BZW2: variants seen among roughly 807,000 people sequenced by gnomAD.
The protein encoded by BZW2 is eIF5-mimic protein 1.
BZW2 carries 23 observed loss-of-function variants against 53.2 expected under a neutral mutation model. That is an observed-to-expected ratio of 0.43 (90% CI 0.31 to 0.61). The LOEUF (loss-of-function observed/expected upper bound fraction) is 0.61. Ranked by LOEUF, BZW2 falls within the 20% of genes least tolerant of loss-of-function variation. BZW2 has a pLI of 0.09. For missense variants in BZW2, 409 were observed against 503.1 expected (o/e 0.81, Z 1.79); for synonymous variants, 227 against 186.4 (o/e 1.22, Z -1.77).
intron 11 of BZW2, 41 bp from the exon 12 acceptor site, chr7:16,706,019 G>A: frequency 1.2e-6 from 2 of 1,612,480 alleles, no homozygotes; most frequent in Non-Finnish European, 1.7e-6. Flanking sequence ...TTAATTAGAG[G>A]AATCTGGGAG....
At chr7:16,660,862 C>T (rs1247039893) in intron 1 of BZW2, among the ~76,000 whole-genome samples, 1 of 152,014 alleles carries the variant, frequency 6.6e-6, no homozygotes, top group Admixed American at 6.6e-5. Context: ...TCCTGGGGGT[C>T]CAATCTGGTC....
At chr7:16,663,781 T>C (rs1326777604) in intron 1 of BZW2, among the ~76,000 whole-genome samples, 1 of 152,226 alleles carries the variant, frequency 6.6e-6, no homozygotes, top group Non-Finnish European at 1.5e-5. Context: ...GACTTCATAA[T>C]TGAAGCAATC....
chr7:16,689,758 C>T, intron 6 of BZW2, 39 bp from the exon 7 acceptor site: 3 of 1,542,866 alleles, frequency 1.9e-6, no homozygotes, highest in Non-Finnish European at 2.7e-6. Flanking sequence ...ATTGGTTTTG[C>T]TCGTAAAAGG....
chr7:16,688,345 T>G (rs1783196176), intron 6 of BZW2, among the ~76,000 whole-genome samples: 1 of 152,252 alleles, frequency 6.6e-6, no homozygotes, highest in African/African-American at 2.4e-5. Context: ...TTATGGCATA[T>G]TCTTCCTGGT....
chr7:16,669,811 A>G (rs944374203), intron 2 of BZW2, among the ~76,000 whole-genome samples: 1 of 152,190 alleles, frequency 6.6e-6, no homozygotes, highest in African/African-American at 2.4e-5. Context: ...ATTATGATTC[A>G]CCAGCACAGT....
chr7:16,652,747 A>T (rs926927304), intron 1 of BZW2, among the ~76,000 whole-genome samples: 1 of 152,006 alleles, frequency 6.6e-6, no homozygotes, highest in African/African-American at 2.4e-5. Flanking sequence ...CTGGTTTCGA[A>T]CACCTGACCT....
At position 16,646,265 on chromosome 7, in the gene BZW2, C is replaced by T; in HGVS notation, c.-31C>T. 1 of 281,406 alleles carries T rather than the reference C, an allele frequency of 3.6e-6. No homozygotes were observed. The highest frequency in any genetic ancestry group is 2.9e-5 in the South Asian group (1 of 34,882). The allele number at this position is 281,406 out of a possible 1,614,324, so 17.4% of individuals were successfully genotyped here. A position where few individuals can be genotyped will look rare whatever the true frequency, so the allele number is the denominator to read the frequency against. ...AATCGCCGCAGCCCCCAGCCTTGCGCGTCGTCGCTACCTCCTCGGACAGGT... is the reference window on the plus strand; with the variant it reads ...AATCGCCGCAGCCCCCAGCCTTGCGTGTCGTCGCTACCTCCTCGGACAGGT... On this transcript the variant is annotated 5_prime_UTR_variant, in exon 1 of 12. Coordinates refer to ENST00000258761, the MANE Select transcript of BZW2 (RefSeq NM_014038.3).
intron 1 of BZW2, among the ~76,000 whole-genome samples, chr7:16,650,445 A>T (rs879551102): frequency 6.6e-6 from 1 of 152,204 alleles, no homozygotes; most frequent in Non-Finnish European, 1.5e-5. Flanking sequence ...GTCAGCACTG[A>T]TAGGATAAGT....
intron 2 of BZW2, among the ~76,000 whole-genome samples, chr7:16,673,113 A>AT (rs1401056919): frequency 6.6e-6 from 1 of 151,886 alleles, no homozygotes; most frequent in Admixed American, 6.6e-5. Flanking sequence ...CCCCTGGCTA[A>AT]TTTTTTGTAT....
At chr7:16,682,697 A>G in intron 4 of BZW2, 83 bp from the exon 5 acceptor site, 1 of 727,790 alleles carries the variant, frequency 1.4e-6, no homozygotes, top group Non-Finnish European at 2.2e-6. Context: ...TTATAGATCT[A>G]TGGTGTCATT....
intron 6 of BZW2, 41 bp from the exon 7 acceptor site, chr7:16,689,756 T>C (rs1341929306): frequency 2.6e-6 from 4 of 1,539,112 alleles, no homozygotes; most frequent in East Asian, 2.3e-5. Context: ...CAATTGGTTT[T>C]GCTCGTAAAA....
chr7:16,674,317 T>C (rs1782701078), intron 2 of BZW2, 95 bp from the exon 3 acceptor site: 6 of 995,484 alleles, frequency 6.0e-6, no homozygotes, highest in Middle Eastern at 3.2e-4. Flanking sequence ...GATTTTTTTT[T>C]CCTATCTTAG....
chr7:16,656,150 T>TATAC lies in BZW2; in HGVS notation c.-7-9286_-7-9285insTACA, dbSNP rs143994492. On this transcript the variant is annotated intron_variant, in intron 1 of 11. Transcript: ENST00000258761. ...ATATATAAATGACTATATATATATATACATAAATATTTTTTCCCAGTACAG... is the reference window on the plus strand; with the variant it reads ...ATATATAAATGACTATATATATATATATACACATAAATATTTTTTCCCAGTACAG... 0.02 allele frequency among the ~76,000 whole-genome samples: 3,009 copies of TATAC among 150,252 alleles called. 255 individuals carry two copies. In the East Asian group the frequency reaches 0.28, roughly 14 times the overall value.
chr7:16,684,375 C>T (rs182119113), intron 5 of BZW2, among the ~76,000 whole-genome samples: 10 of 152,246 alleles, frequency 6.6e-5, no homozygotes, highest in Admixed American at 3.9e-4. Flanking sequence ...TTTTAGCTAT[C>T]ATTAGCATAT....
chr7:16,654,783 C>G (rs1782079554), intron 1 of BZW2, among the ~76,000 whole-genome samples: 1 of 152,026 alleles, frequency 6.6e-6, no homozygotes, highest in Admixed American at 6.6e-5. Flanking sequence ...AGGTGATCCG[C>G]CTGCCTCAGC....
chr7:16,682,731 T>A (rs1782987562), intron 4 of BZW2, 49 bp from the exon 5 acceptor site: 2 of 1,257,078 alleles, frequency 1.6e-6, no homozygotes, highest in African/African-American at 3.1e-5. Flanking sequence ...ATTACCTACT[T>A]CTGTGTCTTT....
chr7:16,685,851 T>C lies in BZW2; in HGVS notation c.406-54T>C, dbSNP rs1783099254. 2.7e-6 allele frequency: 4 copies of C among 1,481,810 alleles called. No homozygotes were observed. In the East Asian group the frequency reaches 9.9e-5, roughly 37 times the overall value. 91.8% of individuals were successfully genotyped at this position (1,481,810 alleles called of 1,614,324 possible). A position where few individuals can be genotyped will look rare whatever the true frequency, so the allele number is the denominator to read the frequency against. ...TCAGTCCTTTGCTTCATAGACATGG[T>C]TCCTTTTTTTTTCTTTTTCTTTTTC... On this transcript the variant is annotated intron_variant, in intron 5 of 11. Transcript: ENST00000258761.
chr7:16,656,137 C>CTATATATATATA (rs1554264390), intron 1 of BZW2, among the ~76,000 whole-genome samples: 3 of 141,454 alleles, frequency 2.1e-5, no homozygotes, highest in African/African-American at 8.7e-5. Flanking sequence ...ATATAAATGA[C>CTATATATATATA]TATATATATA....
chr7:16,658,536 A>G (rs1415846137), intron 1 of BZW2, among the ~76,000 whole-genome samples: 1 of 152,118 alleles, frequency 6.6e-6, no homozygotes, highest in Non-Finnish European at 1.5e-5. Context: ...TTGCATTAAC[A>G]GCTCTAAGGG....
Sources: gnomAD v4.1 joint callset for allele counts (sites outside exome capture counted in the v4.1 genomes callset) on GRCh38, gnomAD v4.1.1 for gene constraint, MANE v1.5 for transcripts, NCBI Gene and HGNC (gene_info 2026-07-23, HGNC 2026-07-21) for gene names.